TTF1: variants seen among roughly 807,000 people sequenced by gnomAD.
The protein encoded by TTF1 is transcription termination factor 1, also known as transcription termination factor, RNA polymerase I.
TTF1 carries 64 observed loss-of-function variants against 80.2 expected under a neutral mutation model. That is an observed-to-expected ratio of 0.80 (90% CI 0.65 to 0.98). The LOEUF is 0.98. Ranked by LOEUF, TTF1 falls within the 50% of genes least tolerant of loss-of-function variation. TTF1 has a pLI of 0.00. For missense variants in TTF1, 1,023 were observed against 1,086.2 expected (o/e 0.94, Z 0.82); for synonymous variants, 372 against 382.7 (o/e 0.97, Z 0.33).
chr9:132,402,767 T>G lies in TTF1; in HGVS notation c.55A>C (p.Lys19Gln). 1 of 1,601,708 alleles carries G rather than the reference T, an allele frequency of 6.2e-7. No individual in the cohort carries two copies. The highest frequency in any genetic ancestry group is 1.1e-5 in the South Asian group (1 of 88,102). The change falls in exon 2 of 11, where the codon AAG becomes CAG. Residue 19 changes from lysine (K) to glutamine (Q), a missense_variant. Transcript: ENST00000334270. ...TCCTTATGTATAGAACACTTTTTCT[T>G]TTTCTTGTCAGAAACTGGAGTGTGG... The part of the protein sequence containing the change: ...EIHTPVSDKK[K>Q]KKCSIHKERP...
chr9:132,392,219 GA>G lies in TTF1; in HGVS notation c.1857-14del, dbSNP rs1398195033. On this transcript the variant is annotated splice_polypyrimidine_tract_variant and intron_variant, in intron 5 of 10. Transcript: ENST00000334270. ...TCCTTCGCTATACCTAGGAGAAAGGGAAAATGTTTTACAAGTTTAAACGAAC... is the reference window on the plus strand; with the variant it reads ...TCCTTCGCTATACCTAGGAGAAAGGGAAATGTTTTACAAGTTTAAACGAAC... The G allele has an allele frequency of 1.9e-6, 3 of 1,613,750 alleles. No individual in the cohort carries two copies. Among genetic ancestry groups the G allele is most frequent in the Non-Finnish European group, 2.5e-6 (3 of 1,179,900 alleles).
intron 6 of TTF1, 128 bp downstream of exon 6, chr9:132,391,948 C>T (rs1849565394): frequency 6.9e-7 from 1 of 1,442,376 alleles, no homozygotes; most frequent in Non-Finnish European, 9.3e-7. Flanking sequence ...TAGAGAACAG[C>T]TTAAGAAACA....
chr9:132,388,256 T>C, intron 7 of TTF1, 28 bp from the exon 8 acceptor site: 1 of 1,528,330 alleles, frequency 6.5e-7, no homozygotes, highest in Non-Finnish European at 9.0e-7. Flanking sequence ...AAAACATAGT[T>C]TACTTTCAAG....
chr9:132,377,127 C>T (rs1232127573), intron 10 of TTF1, among the ~76,000 whole-genome samples: 2 of 151,962 alleles, frequency 1.3e-5, no homozygotes, highest in East Asian at 3.9e-4. Context: ...TATGTGTGTA[C>T]ATGCATGTGG....
intron 7 of TTF1, among the ~76,000 whole-genome samples, chr9:132,389,179 T>A (rs1348748227): frequency 6.7e-6 from 1 of 150,284 alleles, no homozygotes; most frequent in African/African-American, 2.5e-5. Context: ...TAACTCACTC[T>A]TCCTTTTTTT....
intron 10 of TTF1, among the ~76,000 whole-genome samples, chr9:132,378,783 AGTGT>A (rs991601546): frequency 3.3e-5 from 5 of 151,698 alleles, no homozygotes; most frequent in Non-Finnish European, 5.9e-5. Flanking sequence ...TGTGTGCACG[AGTGT>A]GTGTGTGTGA....
At chr9:132,405,164 G>A (rs1033720124) in intron 1 of TTF1, among the ~76,000 whole-genome samples, 18 of 152,128 alleles carry the variant, frequency 1.2e-4, no homozygotes, top group Non-Finnish European at 2.5e-4. Context: ...TGGGATTACA[G>A]GCGTGAGCCA....
chr9:132,386,701 A>G, intron 8 of TTF1, 80 bp from the exon 9 acceptor site: 2 of 1,198,034 alleles, frequency 1.7e-6, no homozygotes, highest in Non-Finnish European at 2.4e-6. Flanking sequence ...GAGTGCTGAG[A>G]GCTGGAAGGT....
At chr9:132,406,613 A>AC (rs1487872620) in intron 1 of TTF1, among the ~76,000 whole-genome samples, 177 bp downstream of exon 1, 3 of 151,222 alleles carry the variant, frequency 2.0e-5, no homozygotes, top group African/African-American at 7.3e-5. Context: ...TAAAAAAAAA[A>AC]AAAAAAAACA....
intron 10 of TTF1, among the ~76,000 whole-genome samples, chr9:132,377,666 CATGTGGTGTGTGA>C (rs1849240430): frequency 1.2e-5 from 1 of 86,202 alleles, no homozygotes. Flanking sequence ...TGTGTGAGTG[CATGTGGTGTGTGA>C]ATGCATGTGG....
intron 9 of TTF1, among the ~76,000 whole-genome samples, chr9:132,383,107 G>A (rs1264328470): frequency 1.3e-5 from 2 of 151,612 alleles, no homozygotes; most frequent in East Asian, 3.9e-4. Flanking sequence ...AACTAGCCAG[G>A]CAGGGTGGTG....
chr9:132,384,926 G>C lies in TTF1; in HGVS notation c.2378+1630C>G, dbSNP rs1476690813. ...CCACCTTGGCCTCCCAAAGTGCTGGGATTACAGGCAAGAGCCACCGTGCCC... is the reference window on the plus strand; with the variant it reads ...CCACCTTGGCCTCCCAAAGTGCTGGCATTACAGGCAAGAGCCACCGTGCCC... On this transcript the variant is annotated intron_variant, in intron 9 of 10. Transcript: ENST00000334270. This position sits in a 1 kb window ranked among gnomAD's most constrained non-coding sequence, Gnocchi z 4.1. 6.6e-6 allele frequency among the ~76,000 whole-genome samples: 1 copy of C among 152,156 alleles called. No homozygotes were observed. The highest frequency in any genetic ancestry group is 2.4e-5 in the African/African-American group (1 of 41,440).
At chr9:132,406,588 G>C (rs1334649753) in intron 1 of TTF1, among the ~76,000 whole-genome samples, 2 of 139,048 alleles carry the variant, frequency 1.4e-5, no homozygotes, top group Non-Finnish European at 3.1e-5. Flanking sequence ...GGCGACAAGA[G>C]CAAAACTCCA....
chr9:132,379,269 TCATA>T, intron 9 of TTF1, 125 bp from the exon 10 acceptor site: 1 of 591,898 alleles, frequency 1.7e-6, no homozygotes, highest in South Asian at 2.8e-5. Flanking sequence ...CATAAGATCA[TCATA>T]CATGTGTGAT....
At chr9:132,406,614 A>C (rs566648602) in intron 1 of TTF1, among the ~76,000 whole-genome samples, 176 bp downstream of exon 1, 59 of 151,352 alleles carry the variant, frequency 3.9e-4, no homozygotes, top group Non-Finnish European at 7.7e-4. Context: ...AAAAAAAAAA[A>C]AAAAAAACAC....
At chr9:132,376,398 A>G (rs1408999094) in intron 10 of TTF1, among the ~76,000 whole-genome samples, 1 of 152,216 alleles carries the variant, frequency 6.6e-6, no homozygotes, top group Non-Finnish European at 1.5e-5. Flanking sequence ...AGGCATAAAG[A>G]CATTAAGAGA....
chr9:132,394,522 C>T (rs1849612618), intron 5 of TTF1, among the ~76,000 whole-genome samples: 12 of 152,000 alleles, frequency 7.9e-5, no homozygotes, highest in Admixed American at 7.2e-4. Flanking sequence ...TCAAGTGATC[C>T]GCCCACCTCA....
chr9:132,402,236 C>G lies in TTF1; in HGVS notation c.586G>C (p.Glu196Gln). The change falls in exon 2 of 11, where the codon GAG (glutamate) becomes CAG (glutamine). Residue 196 changes from glutamate (E) to glutamine (Q), a missense_variant. Glu to Gln is a conservative substitution (Grantham distance 29, BLOSUM62 2). Coordinates refer to ENST00000334270, the MANE Select transcript of TTF1 (RefSeq NM_007344.4). The stretch of plus-strand genomic sequence containing the variant: ...CCTGGACCCACAGAAAGCCAGGACT[C>G]CTCCTGGTGGGATTCTGACTGAGGC... ...TLPQSESHQE[E>Q]SWLSVGPGGE... The G allele has an allele frequency of 6.2e-7, 1 of 1,614,166 alleles. No homozygotes were observed. Among genetic ancestry groups the G allele is most frequent in the Non-Finnish European group, 8.5e-7 (1 of 1,180,042 alleles).
chr9:132,384,540 T>C lies in TTF1; in HGVS notation c.2378+2016A>G, dbSNP rs928183605. On this transcript the variant is annotated intron_variant, in intron 9 of 10. Coordinates refer to ENST00000334270, the MANE Select transcript of TTF1 (RefSeq NM_007344.4). This position sits in a 1 kb window ranked among gnomAD's most constrained non-coding sequence, Gnocchi z 4.1. ...AGCCATCAGAACATCACTCAGATCC[T>C]GCAGACATTTTGCATAAACCATCTA... Among the ~76,000 whole-genome samples, 8 of 152,232 alleles carry C rather than the reference T, an allele frequency of 5.3e-5. No homozygotes were observed. Among genetic ancestry groups the C allele is most frequent in the Admixed American group, 2.0e-4 (3 of 15,276 alleles).
Sources: allele counts gnomAD v4.1 joint callset (sites outside exome capture counted in the v4.1 genomes callset), GRCh38; gene constraint gnomAD v4.1.1; non-coding constraint Gnocchi (gnomAD v3.1); transcripts MANE v1.5; gene names NCBI Gene and HGNC (gene_info 2026-07-23, HGNC 2026-07-21).